DOCK1: variants seen among roughly 807,000 people sequenced by gnomAD.
DOCK1 encodes the protein dedicator of cytokinesis 1.
In DOCK1, 138 loss-of-function variants were observed where a neutral mutation model predicts 262.7. That is an observed-to-expected ratio of 0.53 (90% CI 0.46 to 0.61). The LOEUF (loss-of-function observed/expected upper bound fraction) is 0.61, where lower values mean the gene tolerates loss of function less well. Among genes scored for constraint, DOCK1 ranks in the 20% least tolerant of loss-of-function variants. DOCK1 has a pLI of 0.00. For synonymous variants in DOCK1, 866 were observed against 867.4 expected (o/e 1.00, Z 0.03); for missense variants, 1,908 against 2,370.7 (o/e 0.80, Z 4.05).
In DOCK1 at chr10:127,350,430, T is replaced by C. The variant is rs11819587; in HGVS notation, c.3225-4239T>C. Reference sequence around the variant, plus strand: ...CGCCTGCTGGTCCTCCTGCCCAGAATGCTCTTCCCTACCCTCTTCGTCCAG... The same window carrying C: ...CGCCTGCTGGTCCTCCTGCCCAGAACGCTCTTCCCTACCCTCTTCGTCCAG... On this transcript the variant is annotated intron_variant, in intron 31 of 51. Transcript: ENST00000623213. Among the ~76,000 whole-genome samples the C allele has an allele frequency of 5.6e-3, 855 of 152,232 alleles. 10 individuals are homozygous for C. The highest frequency in any genetic ancestry group is 0.02 in the African/African-American group (813 of 41,544).
intron 23 of DOCK1, 83 bp from the exon 24 acceptor site, chr10:127,106,148 G>T: frequency 7.4e-7 from 1 of 1,342,716 alleles, no homozygotes; most frequent in Non-Finnish European, 1.0e-6. Context: ...GTATTTCTGC[G>T]GTTCTTCTCA....
chr10:127,241,822 C>A (rs977498570), intron 27 of DOCK1, among the ~76,000 whole-genome samples: 4 of 152,084 alleles, frequency 2.6e-5, no homozygotes, highest in African/African-American at 9.7e-5. Context: ...TCAGGTACCT[C>A]CCTTGTCCAG....
chr10:127,391,219 GTT>G, intron 38 of DOCK1, among the ~76,000 whole-genome samples: 1 of 152,312 alleles, frequency 6.6e-6, no homozygotes, highest in East Asian at 1.9e-4. Flanking sequence ...AAGATATGAT[GTT>G]TTTTTCCTGT....
intron 29 of DOCK1, among the ~76,000 whole-genome samples, chr10:127,311,373 G>A (rs1361164408): frequency 3.9e-5 from 6 of 152,158 alleles, no homozygotes; most frequent in African/African-American, 1.4e-4. Context: ...ACATCCTCCA[G>A]GCAGAACCAA....
intron 29 of DOCK1, among the ~76,000 whole-genome samples, chr10:127,289,029 T>C (rs2061260328): frequency 6.6e-6 from 1 of 152,180 alleles, no homozygotes. Context: ...GTCTCAGATA[T>C]ACTAAGCAAG....
At chr10:127,033,995 C>T (rs2043414343) in intron 18 of DOCK1, among the ~76,000 whole-genome samples, 1 of 152,044 alleles carries the variant, frequency 6.6e-6, no homozygotes, top group Non-Finnish European at 1.5e-5. Context: ...ATGAAGGGTC[C>T]TAGCTTGTGG....
At chr10:127,264,144 A>T (rs765205719) in intron 29 of DOCK1, among the ~76,000 whole-genome samples, 1 of 152,198 alleles carries the variant, frequency 6.6e-6, no homozygotes, top group Non-Finnish European at 1.5e-5. Context: ...ACAAAACCTT[A>T]TCCACAGTTG....
rs1365853958 is a variant in DOCK1 at position 126,995,208 on chromosome 10, G to A, written c.474-1540G>A. On this transcript the variant is annotated intron_variant, in intron 6 of 51. Transcript: ENST00000623213. This position sits in a 1 kb window ranked among gnomAD's most constrained non-coding sequence, Gnocchi z 5.8. Reference sequence around the variant, plus strand: ...CTCACTTCCCAGACTGGGTGGCCGGGCAGACACGCTCCTCACTTCCCAGAC... The same window carrying A: ...CTCACTTCCCAGACTGGGTGGCCGGACAGACACGCTCCTCACTTCCCAGAC... Among the ~76,000 whole-genome samples, 2 of 151,598 alleles carry A rather than the reference G, an allele frequency of 1.3e-5. No individual in the cohort carries two copies. Among genetic ancestry groups the A allele is most frequent in the South Asian group, 4.2e-4 (2 of 4,776 alleles).
intron 29 of DOCK1, among the ~76,000 whole-genome samples, chr10:127,298,499 C>A (rs1205678043): frequency 2.0e-5 from 3 of 152,100 alleles, no homozygotes; most frequent in Non-Finnish European, 4.4e-5. Flanking sequence ...TTCAGTTCTC[C>A]TTGAGTGAGA....
intron 1 of DOCK1, among the ~76,000 whole-genome samples, chr10:126,936,393 C>T (rs2034558617): frequency 6.6e-6 from 1 of 152,202 alleles, no homozygotes; most frequent in Non-Finnish European, 1.5e-5. Context: ...CAAAAGCAGC[C>T]ACAGACAGTG....
chr10:127,373,437 G>A (rs527435696), intron 33 of DOCK1, among the ~76,000 whole-genome samples: 47 of 152,234 alleles, frequency 3.1e-4, no homozygotes, highest in Middle Eastern at 3.4e-3. Context: ...TAGATGTTAC[G>A]TGTTTGTAGA....
intron 1 of DOCK1, among the ~76,000 whole-genome samples, chr10:126,941,571 A>G (rs1160275159): frequency 3.3e-5 from 5 of 152,256 alleles, no homozygotes; most frequent in Non-Finnish European, 7.4e-5. Context: ...CCTGGCTAAC[A>G]CGGTGAAACC....
chr10:127,205,374 C>T (rs1003471294), intron 27 of DOCK1, among the ~76,000 whole-genome samples: 1 of 152,236 alleles, frequency 6.6e-6, no homozygotes, highest in Non-Finnish European at 1.5e-5. Context: ...TCCTCTGGGT[C>T]TCTCAGCCCT....
intron 29 of DOCK1, among the ~76,000 whole-genome samples, chr10:127,317,028 T>A (rs747963301): frequency 2.6e-5 from 4 of 152,190 alleles, no homozygotes; most frequent in Non-Finnish European, 5.9e-5. Flanking sequence ...ATACACGCCA[T>A]ATCATTTTCC....
At chr10:127,096,247 G>A (rs1320310936) in intron 23 of DOCK1, among the ~76,000 whole-genome samples, 2 of 152,074 alleles carry the variant, frequency 1.3e-5, no homozygotes, top group Non-Finnish European at 2.9e-5. Context: ...AGCCGCCTCC[G>A]ACCATCACGT....
intron 29 of DOCK1, among the ~76,000 whole-genome samples, chr10:127,303,451 T>C (rs562100525): frequency 6.6e-6 from 1 of 152,162 alleles, no homozygotes; most frequent in South Asian, 2.1e-4. Flanking sequence ...AAAAAGAGTC[T>C]CTGTCAGTGC....
chr10:127,061,146 T>G (rs1264192215), intron 22 of DOCK1, among the ~76,000 whole-genome samples: 1 of 152,158 alleles, frequency 6.6e-6, no homozygotes, highest in Non-Finnish European at 1.5e-5. Flanking sequence ...GATAATTGCT[T>G]GAACCCAGGA....
chr10:127,180,891 A>C (rs1411272453), intron 27 of DOCK1, among the ~76,000 whole-genome samples: 1 of 152,254 alleles, frequency 6.6e-6, no homozygotes, highest in East Asian at 1.9e-4. Flanking sequence ...TTGTGGTATT[A>C]AGATAGCACA....
At chr10:126,946,569 A>T (rs1217722965) in intron 1 of DOCK1, among the ~76,000 whole-genome samples, 1 of 152,074 alleles carries the variant, frequency 6.6e-6, no homozygotes, top group African/African-American at 2.4e-5. Context: ...CTAACTTTCC[A>T]TTCCCTGTCC....
Sources: gnomAD v4.1 joint callset for allele counts (sites outside exome capture counted in the v4.1 genomes callset) on GRCh38, gnomAD v4.1.1 for gene constraint, Gnocchi (gnomAD v3.1) non-coding constraint, MANE v1.5 for transcripts, NCBI Gene and HGNC (gene_info 2026-07-23, HGNC 2026-07-21) for gene names.